The following ROBO2 variants were observed in gnomAD, a reference collection of about 807,000 sequenced individuals.
The protein encoded by ROBO2 is roundabout homolog 2.
A neutral mutation model predicts 160.8 loss-of-function variants in ROBO2; 53 were observed. The ratio of observed to expected loss-of-function variants is 0.33; its 90% CI spans 0.26 to 0.41. ROBO2 has a LOEUF of 0.41. Ranked by LOEUF, ROBO2 falls within the 10% of genes least tolerant of loss-of-function variation. ROBO2 has a pLI of 1.00. For synonymous variants in ROBO2, 664 were observed against 611.7 expected (o/e 1.09, Z -1.26); for missense variants, 1,577 against 1,722.4 (o/e 0.92, Z 1.49).
At chr3:77,091,308 A>C (rs753546508) in intron 1 of ROBO2, among the ~76,000 whole-genome samples, 13 of 152,198 alleles carry the variant, frequency 8.5e-5, no homozygotes, top group Non-Finnish European at 1.9e-4. Context: ...TCTGGCACTC[A>C]CTGCGAATGA....
chr3:77,297,046 T>C (rs1400817360), intron 2 of ROBO2, among the ~76,000 whole-genome samples: 3 of 152,110 alleles, frequency 2.0e-5, no homozygotes, highest in African/African-American at 7.2e-5. Flanking sequence ...AATTTTTTTT[T>C]TTTAGTCTGG....
At chr3:76,362,918 G>C (rs2075605233) in intron 2 of ROBO2, among the ~76,000 whole-genome samples, 1 of 152,006 alleles carries the variant, frequency 6.6e-6, no homozygotes, top group Admixed American at 6.6e-5. Context: ...GCTGATTCTT[G>C]CTTGTCCTTC....
At chr3:75,973,575 A>T (rs1318388251) in intron 2 of ROBO2, among the ~76,000 whole-genome samples, 2 of 151,562 alleles carry the variant, frequency 1.3e-5, no homozygotes, top group Non-Finnish European at 3.0e-5. Context: ...GTATAGATAG[A>T]CCCTGTTACC....
intron 2 of ROBO2, among the ~76,000 whole-genome samples, chr3:76,421,582 C>T (rs1485542416): frequency 1.3e-5 from 2 of 150,808 alleles, no homozygotes; most frequent in South Asian, 2.1e-4. Context: ...CAAAATTAGC[C>T]GGACATGGTG....
chr3:76,296,816 G>A (rs1036796686), intron 2 of ROBO2, among the ~76,000 whole-genome samples: 1 of 152,184 alleles, frequency 6.6e-6, no homozygotes, highest in Non-Finnish European at 1.5e-5. Flanking sequence ...TAGATTCAAT[G>A]TCTTAAAACT....
chr3:75,921,839 G>A (rs1282232485), intron 1 of ROBO2, among the ~76,000 whole-genome samples: 4 of 152,054 alleles, frequency 2.6e-5, no homozygotes, highest in Admixed American at 6.6e-5. Flanking sequence ...AAATATAATC[G>A]TAAGCAAAAT....
chr3:76,729,481 A>ATT (rs1287601554), intron 2 of ROBO2, among the ~76,000 whole-genome samples: 1 of 152,152 alleles, frequency 6.6e-6, no homozygotes, highest in African/African-American at 2.4e-5. Flanking sequence ...TATGACTGTC[A>ATT]TGAGAATAAG....
intron 2 of ROBO2, among the ~76,000 whole-genome samples, chr3:76,436,961 A>C (rs1298727797): frequency 2.0e-5 from 3 of 152,190 alleles, no homozygotes; most frequent in Non-Finnish European, 4.4e-5. Context: ...TATATCCTCA[A>C]GCTGCAAATA....
intron 2 of ROBO2, among the ~76,000 whole-genome samples, chr3:77,156,792 G>T (rs1560126248): frequency 6.7e-6 from 1 of 150,338 alleles, no homozygotes; most frequent in Non-Finnish European, 1.5e-5. Flanking sequence ...ATATTCATTA[G>T]AATATTCATT....
At chr3:76,649,013 T>C (rs903363318) in intron 2 of ROBO2, among the ~76,000 whole-genome samples, 3 of 152,140 alleles carry the variant, frequency 2.0e-5, no homozygotes, top group Non-Finnish European at 4.4e-5. Flanking sequence ...AGTTTAATGA[T>C]GCAGTACGTC....
At chr3:76,007,603 C>G (rs557845146) in intron 2 of ROBO2, among the ~76,000 whole-genome samples, 79 of 152,040 alleles carry the variant, frequency 5.2e-4, no homozygotes, top group African/African-American at 1.9e-3. Flanking sequence ...GTAAATGGTA[C>G]CACTTGTAAA....
intron 1 of ROBO2, among the ~76,000 whole-genome samples, chr3:77,065,628 C>G (rs1357050317): frequency 6.6e-6 from 1 of 152,044 alleles, no homozygotes; most frequent in African/African-American, 2.4e-5. Flanking sequence ...ACTTTGTTAC[C>G]TTAGTAATGG....
At chr3:77,641,897 A>T (rs571698910) in intron 24 of ROBO2, among the ~76,000 whole-genome samples, 1 of 152,226 alleles carries the variant, frequency 6.6e-6, no homozygotes, top group Non-Finnish European at 1.5e-5. Flanking sequence ...TTCCTATCTG[A>T]TATTTACTTT....
intron 1 of ROBO2, among the ~76,000 whole-genome samples, chr3:75,931,148 T>C (rs546119925): frequency 1.3e-5 from 2 of 152,326 alleles, no homozygotes; most frequent in African/African-American, 4.8e-5. Context: ...TTTTCAGTTT[T>C]TTATTTCATC....
At chr3:76,471,878 A>AT (rs1208553251) in intron 2 of ROBO2, among the ~76,000 whole-genome samples, 1 of 152,140 alleles carries the variant, frequency 6.6e-6, no homozygotes, top group East Asian at 1.9e-4. Context: ...GGAAAAGCCC[A>AT]TCAGATCTCA....
chr3:76,343,046 A>G (rs1183159854), intron 2 of ROBO2, among the ~76,000 whole-genome samples: 2 of 152,086 alleles, frequency 1.3e-5, no homozygotes, highest in African/African-American at 2.4e-5. Context: ...TCCAAAGACA[A>G]GAACACATAG....
intron 2 of ROBO2, among the ~76,000 whole-genome samples, chr3:76,973,490 A>G (rs2059670010): frequency 6.6e-6 from 1 of 152,078 alleles, no homozygotes; most frequent in South Asian, 2.1e-4. Context: ...TATTCATATC[A>G]TTATTATTAA....
chr3:77,499,652 T>C (rs1019160520), intron 5 of ROBO2, among the ~76,000 whole-genome samples: 12 of 98,484 alleles, frequency 1.2e-4, no homozygotes, highest in South Asian at 3.3e-4. Context: ...TCACTTACGC[T>C]TTTTTTTTTT....
At chr3:76,233,303 C>G (rs948569181) in intron 2 of ROBO2, among the ~76,000 whole-genome samples, 1 of 152,086 alleles carries the variant, frequency 6.6e-6, no homozygotes, top group Admixed American at 6.5e-5. Context: ...GCCACCACAC[C>G]CAGCTAATGT....
Sources: gnomAD v4.1 joint callset for allele counts (sites outside exome capture counted in the v4.1 genomes callset) on GRCh38, gnomAD v4.1.1 for gene constraint, MANE v1.5 for transcripts, NCBI Gene and HGNC (gene_info 2026-07-23, HGNC 2026-07-21) for gene names.